The following ANAPC5 variants were observed in gnomAD, a reference collection of about 807,000 sequenced individuals.
The protein encoded by ANAPC5 is anaphase promoting complex subunit 5.
Under a neutral mutation model 91.3 loss-of-function variants are expected in ANAPC5, and 60 were observed. The observed-to-expected ratio is 0.66, with a 90% CI of 0.53 to 0.81. The LOEUF (loss-of-function observed/expected upper bound fraction) is 0.81. Ranked by LOEUF, ANAPC5 falls within the 40% of genes least tolerant of loss-of-function variation. The pLI is 0.00. For synonymous variants in ANAPC5, 340 were observed against 364.1 expected (o/e 0.93, Z 0.75); for missense variants, 690 against 931.5 (o/e 0.74, Z 3.37).
chr12:121,318,683 G>T, intron 13 of ANAPC5, 75 bp from the exon 14 acceptor site: 2 of 1,318,678 alleles, frequency 1.5e-6, no homozygotes, highest in Middle Eastern at 1.9e-4. Flanking sequence ...TTATTCAATT[G>T]CGCTATAAAC....
intron 10 of ANAPC5, chr12:121,328,033 G>A (rs1411435034): frequency 1.3e-5 from 4 of 310,994 alleles, no homozygotes; most frequent in African/African-American, 8.5e-5. Flanking sequence ...TGCGATCGCG[G>A]GTAGATCAGA....
chr12:121,328,065 T>C lies in ANAPC5; in HGVS notation c.1304+251A>G, dbSNP rs551287239. On this transcript the variant is annotated intron_variant, in intron 10 of 16. Coordinates refer to ENST00000261819, the MANE Select transcript of ANAPC5 (RefSeq NM_016237.5). ...CAGATGTGTGAACCCTGGTTTACTC[T>C]CCCAGCATGGAGATCACCCACCCAT... 3.0e-4 allele frequency: 122 copies of C among 404,376 alleles called. 1 individual carries two copies. The East Asian group carries it at 4.1e-3, about 14-fold the overall frequency. 25.0% of individuals were successfully genotyped at this position (404,376 alleles called of 1,614,324 possible).
chr12:121,319,305 T>A (rs1902506168), intron 13 of ANAPC5, among the ~76,000 whole-genome samples: 1 of 151,800 alleles, frequency 6.6e-6, no homozygotes, highest in African/African-American at 2.4e-5. Flanking sequence ...CGATCTTGGC[T>A]CACTGCAACC....
chr12:121,344,196 G>A (rs1329476059), intron 4 of ANAPC5, among the ~76,000 whole-genome samples: 1 of 152,184 alleles, frequency 6.6e-6, no homozygotes, highest in African/African-American at 2.4e-5. Flanking sequence ...TTCTCAAGGG[G>A]TGAAGAGGCA....
At chr12:121,340,961 T>C (rs1028582915) in intron 5 of ANAPC5, among the ~76,000 whole-genome samples, 5 of 152,110 alleles carry the variant, frequency 3.3e-5, no homozygotes, top group Non-Finnish European at 5.9e-5. Flanking sequence ...AAAAATTCTA[T>C]GCTGAAAATA....
chr12:121,344,193 G>A (rs562868888), intron 4 of ANAPC5, among the ~76,000 whole-genome samples: 124 of 152,306 alleles, frequency 8.1e-4, no homozygotes, highest in African/African-American at 2.7e-3. Context: ...CAGTTCTCAA[G>A]GGGTGAAGAG....
chr12:121,329,632 T>G (rs1902956948), intron 9 of ANAPC5, among the ~76,000 whole-genome samples: 1 of 150,396 alleles, frequency 6.6e-6, no homozygotes, highest in Admixed American at 6.6e-5. Flanking sequence ...TTTTTTTTTT[T>G]GAGATGGAAT....
Position 121,320,450 on chromosome 12 carries a change from CAA to C in ANAPC5, c.1448_1449del (p.Phe483CysfsTer5), listed in dbSNP as rs1487355120. On this transcript the variant is annotated frameshift_variant, in exon 12 of 17. Transcript: ENST00000261819. LOFTEE classifies it high-confidence loss of function. ...TGCTTTAACACTTCAGAAGCTGCAG[CAA>C]AACAGCCCTAAAGTAGAAACACACA... ...LAELHAEQGC[F>X]AAASEVLKHL... 7 of 1,613,704 alleles carry C rather than the reference CAA, an allele frequency of 4.3e-6. No individual in the cohort carries two copies. Among genetic ancestry groups the C allele is most frequent in the Non-Finnish European group, 5.9e-6 (7 of 1,179,690 alleles).
chr12:121,345,431 C>T (rs1470155495), intron 4 of ANAPC5, among the ~76,000 whole-genome samples: 1 of 152,140 alleles, frequency 6.6e-6, no homozygotes, highest in African/African-American at 2.4e-5. Flanking sequence ...AGTCATAAGA[C>T]ACAATACAGT....
intron 5 of ANAPC5, among the ~76,000 whole-genome samples, chr12:121,340,919 T>A (rs572077031): frequency 1.3e-5 from 2 of 151,836 alleles, no homozygotes; most frequent in African/African-American, 4.8e-5. Context: ...CATAACAAAA[T>A]TAGGGAAAAG....
chr12:121,350,828 G>A (rs1555275237), intron 1 of ANAPC5, among the ~76,000 whole-genome samples: 1 of 152,144 alleles, frequency 6.6e-6, no homozygotes, highest in East Asian at 1.9e-4. Flanking sequence ...GCTGGTGGAG[G>A]TTACCGTCTA....
chr12:121,339,891 T>C (rs868922560), intron 5 of ANAPC5, among the ~76,000 whole-genome samples: 1,563 of 146,484 alleles, frequency 0.011, 15 homozygotes, highest in Admixed American at 0.014. Flanking sequence ...TTTTTTTTTT[T>C]CCCAGATGGA....
intron 10 of ANAPC5, 131 bp from the exon 11 acceptor site, chr12:121,327,362 A>C: frequency 2.6e-6 from 3 of 1,142,650 alleles, no homozygotes; most frequent in Non-Finnish European, 3.6e-6. Context: ...TTGGGAGCAG[A>C]TGCCTCCCAG....
chr12:121,328,600 G>T, intron 9 of ANAPC5, 103 bp from the exon 10 acceptor site: 1 of 1,052,082 alleles, frequency 9.5e-7, no homozygotes, highest in Non-Finnish European at 1.4e-6. Flanking sequence ...CACATGCACA[G>T]TGACAGCACT....
chr12:121,333,866 G>A (rs1248401789), intron 7 of ANAPC5: 2 of 151,958 alleles, frequency 1.3e-5, no homozygotes, highest in African/African-American at 2.4e-5. Flanking sequence ...TTTTTTCCAG[G>A]CTAAACATGT....
chr12:121,335,592 G>T lies in ANAPC5; in HGVS notation c.891C>A (p.Gly297=). The change falls in exon 7 of 17, where the codon GGC becomes GGA. Residue 297 remains glycine (G), a synonymous_variant. Transcript: ENST00000261819. ...ESKSNGEEGY[G]RSLRYAALNL... ...TCAGAGCGGCGTATCTCAAGCTCCG[G>T]CCATAGCCCTCTTCCCCATTACTTT... The T allele has an allele frequency of 1.2e-6, 2 of 1,613,880 alleles. No individual in the cohort carries two copies. Among genetic ancestry groups the T allele is most frequent in the Non-Finnish European group, 1.7e-6 (2 of 1,179,806 alleles).
At chr12:121,317,378 C>G (rs930103405) in intron 15 of ANAPC5, among the ~76,000 whole-genome samples, 3 of 151,784 alleles carry the variant, frequency 2.0e-5, no homozygotes, top group African/African-American at 7.3e-5. Flanking sequence ...CTCAGCCTCC[C>G]GAGTGGCTGG....
At chr12:121,316,740 A>AG (rs1038514529) in intron 15 of ANAPC5, among the ~76,000 whole-genome samples, 4 of 150,288 alleles carry the variant, frequency 2.7e-5, no homozygotes, top group African/African-American at 7.3e-5. Flanking sequence ...CTCAAAAAAA[A>AG]AAAAAAAAAA....
intron 1 of ANAPC5, among the ~76,000 whole-genome samples, chr12:121,350,666 G>A (rs1480987728): frequency 7.1e-6 from 1 of 141,582 alleles, no homozygotes; most frequent in Non-Finnish European, 1.6e-5. Flanking sequence ...GAGCGACGGA[G>A]CGAGACTCCG....
Sources: gnomAD v4.1 joint callset for allele counts (sites outside exome capture counted in the v4.1 genomes callset) on GRCh38, gnomAD v4.1.1 for gene constraint, MANE v1.5 for transcripts, NCBI Gene and HGNC (gene_info 2026-07-23, HGNC 2026-07-21) for gene names.